The following PEG3 variants were observed in gnomAD, a reference collection of about 807,000 sequenced individuals.
PEG3 encodes paternally expressed 3.
PEG3 carries 23 observed loss-of-function variants against 35.5 expected under a neutral mutation model. The observed-to-expected ratio is 0.65, with a 90% CI of 0.47 to 0.92. The LOEUF (loss-of-function observed/expected upper bound fraction) is 0.92, where lower values mean the gene tolerates loss of function less well. PEG3 is among the 40% of genes least tolerant of loss of function. The pLI is 0.00. For synonymous variants in PEG3, 707 were observed against 697.0 expected, an observed-to-expected ratio of 1.01 and a Z score of -0.23; for missense variants, 1,960 against 1,985.3, an observed-to-expected ratio of 0.99 and a Z score of 0.24.
chr19:56,814,160 C>T lies in PEG3; in HGVS notation c.4282G>A (p.Glu1428Lys), dbSNP rs777594859. ...PNGEAEGPDG[E>K]AAEPIGEAGQ... ...GCCTCTCCAATGGGCTCTGCAGCCT[C>T]TCCATCTGGCCCTTCAGCCTCTCCG... Residue 1428 changes from glutamate to lysine, a missense_variant, in exon 10 of 10, where the codon GAG becomes AAG. Glu to Lys is a moderately conservative substitution (Grantham distance 56). Coordinates refer to ENST00000326441, the MANE Select transcript of PEG3 (RefSeq NM_006210.3). The surrounding 1 kb of genome is among the most constrained non-coding windows in gnomAD (Gnocchi z 5.8). 9.8e-5 allele frequency: 158 copies of T among 1,614,086 alleles called. No individual in the cohort carries two copies. Among genetic ancestry groups the T allele is most frequent in the Non-Finnish European group, 1.3e-4 (152 of 1,180,052 alleles).
chr19:56,835,741 T>C (rs1246535612), intron 2 of PEG3, among the ~76,000 whole-genome samples: 2 of 152,236 alleles, frequency 1.3e-5, no homozygotes, highest in East Asian at 3.8e-4. Context: ...GAATCTCTCA[T>C]GCTTCTTTAA....
chr19:56,811,371 T>A lies in PEG3; in HGVS notation c.*2304A>T. The A allele has an allele frequency of 1.1e-6, 1 of 872,836 alleles. No homozygotes were observed. The highest frequency in any genetic ancestry group is 1.4e-6 in the Non-Finnish European group (1 of 727,434). The allele number at this position is 872,836 out of a possible 1,614,324, so 54.1% of individuals were successfully genotyped here. A position where few individuals can be genotyped will look rare whatever the true frequency, so the allele number is the denominator to read the frequency against. ...TAAATGAACTGTTGAGTTATAACTG[T>A]AGTATAAATATACTTTCGTGTCCTG... On this transcript the variant is annotated 3_prime_UTR_variant, in exon 10 of 10. Transcript: ENST00000326441.
rs547680406 is a variant in PEG3 at position 56,816,932 on chromosome 19, G to A, written c.1510C>T (p.Arg504Cys). The change falls in exon 10 of 10, where the codon CGT becomes TGT. Residue 504 changes from arginine (R) to cysteine (C), a missense_variant. Physicochemically the swap from Arg to Cys is radical, Grantham distance 180. Around this residue, in one of 5 missense-constraint regions of PEG3, gnomAD observed 798 missense variants for 782.4 expected, o/e 1.02. Coordinates refer to ENST00000326441, the MANE Select transcript of PEG3 (RefSeq NM_006210.3). Reference sequence around the variant, plus strand: ...TCTCCACAGTCCTTACATTCAAAACGTTTCCCTCCAACCTGACTTTTCTGA... The same window carrying A: ...TCTCCACAGTCCTTACATTCAAAACATTTCCCTCCAACCTGACTTTTCTGA... ...EVQKSQVGGK[R>C]FECKDCGETF... The A allele has an allele frequency of 1.2e-4, 186 of 1,614,130 alleles. No homozygotes were observed. The South Asian group carries it at 1.8e-3, about 16-fold the overall frequency.
At position 56,815,205 on chromosome 19, in the gene PEG3, A is replaced by T. The variant is rs186028148; in HGVS notation, c.3237T>A (p.His1079Gln). 2 of 1,613,990 alleles carry T rather than the reference A, an allele frequency of 1.2e-6. No individual in the cohort carries two copies. Among genetic ancestry groups the T allele is most frequent in the Non-Finnish European group, 1.7e-6 (2 of 1,179,890 alleles). Residue 1079 changes from histidine to glutamine, a missense_variant, in exon 10 of 10, where the codon CAT (histidine) becomes CAA (glutamine). Coordinates refer to ENST00000326441, the MANE Select transcript of PEG3 (RefSeq NM_006210.3). ...CAGGGTCTTCAATTGTCTCCTGACCATGGGTCTCCTCGCTGTGGGTCTCCT... is the reference window on the plus strand; with the variant it reads ...CAGGGTCTTCAATTGTCTCCTGACCTTGGGTCTCCTCGCTGTGGGTCTCCT... The part of the protein sequence containing the change: ...DGEETHSEET[H>Q]GQETIEDPVI...
chr19:56,821,853 G>T, intron 6 of PEG3, 99 bp from the exon 7 acceptor site: 1 of 1,299,518 alleles, frequency 7.7e-7, no homozygotes, highest in Middle Eastern at 2.5e-4. Flanking sequence ...GGGTGTGAGT[G>T]TATGAGAGCA....
At chr19:56,839,955 G>A (rs1028669973) in intron 1 of PEG3, among the ~76,000 whole-genome samples, 2 of 152,226 alleles carry the variant, frequency 1.3e-5, no homozygotes, top group South Asian at 2.1e-4. Context: ...GATACCGCCC[G>A]AGAGGGCGGG....
chr19:56,835,255 A>C (rs2061974342), intron 2 of PEG3, among the ~76,000 whole-genome samples: 1 of 152,186 alleles, frequency 6.6e-6, no homozygotes, highest in Non-Finnish European at 1.5e-5. Context: ...CATGGTTAAA[A>C]GCACTTCCCG....
At chr19:56,822,252 G>A (rs1274613081) in intron 6 of PEG3, among the ~76,000 whole-genome samples, 1 of 152,194 alleles carries the variant, frequency 6.6e-6, no homozygotes, top group Non-Finnish European at 1.5e-5. Context: ...AGTCCAGGAA[G>A]AAGAGGAAAT....
chr19:56,814,247 C>T lies in PEG3; in HGVS notation c.4195G>A (p.Val1399Met), dbSNP rs762643937. ...TCCACTTCTGGCTCGGCAGCCTCCA[C>T]TTCTGGCTCAGCAGCCTCTACGTTT... is the stretch of plus-strand genomic sequence containing the variant. ...GLNVEAAEPE[V>M]EAAEPEVEAA... Residue 1399 changes from valine (V) to methionine (M), a missense_variant, in exon 10 of 10, where the codon GTG becomes ATG. By Grantham distance (21) the Val-to-Met change is conservative (BLOSUM62 1). Around this residue, in one of 5 missense-constraint regions of PEG3, gnomAD observed 416 missense variants for 416.7 expected, o/e 1.00. Coordinates refer to ENST00000326441, the MANE Select transcript of PEG3 (RefSeq NM_006210.3). The surrounding 1 kb of genome is among the most constrained non-coding windows in gnomAD (Gnocchi z 5.8). 2 of 1,613,536 alleles carry T rather than the reference C, an allele frequency of 1.2e-6. No individual in the cohort carries two copies. The highest frequency in any genetic ancestry group is 3.3e-5 in the Admixed American group (2 of 60,018).
chr19:56,820,685 C>T lies in PEG3; in HGVS notation c.669+966G>A, dbSNP rs113709698. Among the ~76,000 whole-genome samples, 457 of 152,342 alleles carry T rather than the reference C, an allele frequency of 3.0e-3. 1 individual carries two copies. The highest frequency in any genetic ancestry group is 9.5e-3 in the African/African-American group (395 of 41,580). On this transcript the variant is annotated intron_variant, in intron 7 of 9. Coordinates refer to ENST00000326441, the MANE Select transcript of PEG3 (RefSeq NM_006210.3). ...TCAATCCAAATCAAGGCCCTTGTTA[C>T]AATTTCTTGTTAACTCTCTATTTTT... is the stretch of plus-strand genomic sequence containing the variant.
intron 1 of PEG3, among the ~76,000 whole-genome samples, chr19:56,839,654 A>G (rs1298331143): frequency 2.0e-5 from 3 of 152,186 alleles, no homozygotes; most frequent in East Asian, 3.9e-4. Context: ...GGCAAACCTC[A>G]GCCACCCTCA....
rs1404146027 is a variant in PEG3 at position 56,812,431 on chromosome 19, T to A, written c.*1244A>T. ...TGACTGTAAAGAATTTTTTTTTTTT[T>A]AATGCAAGTTAGACATGGAGTTAGA... is the stretch of plus-strand genomic sequence containing the variant. On this transcript the variant is annotated 3_prime_UTR_variant, in exon 10 of 10. Coordinates refer to ENST00000326441, the MANE Select transcript of PEG3 (RefSeq NM_006210.3). 1.0e-6 allele frequency: 1 copy of A among 979,118 alleles called. No homozygotes were observed. Among genetic ancestry groups the A allele is most frequent in the East Asian group, 1.1e-4 (1 of 8,762 alleles). 60.7% of individuals were successfully genotyped at this position (979,118 alleles called of 1,614,324 possible).
chr19:56,815,208 G>A lies in PEG3; in HGVS notation c.3234C>T (p.Thr1078=). 1 of 1,613,736 alleles carries A rather than the reference G, an allele frequency of 6.2e-7. No homozygotes were observed. The highest frequency in any genetic ancestry group is 1.7e-5 in the Admixed American group (1 of 60,008). ...GGTCTTCAATTGTCTCCTGACCATG[G>A]GTCTCCTCGCTGTGGGTCTCCTCCC... ...TDGEETHSEE[T]HGQETIEDPV... is the part of the protein sequence containing the mutation. The change falls in exon 10 of 10, where the codon ACC becomes ACT. Residue 1078 remains threonine, a synonymous_variant. Coordinates refer to ENST00000326441, the MANE Select transcript of PEG3 (RefSeq NM_006210.3).
intron 2 of PEG3, chr19:56,833,522 C>A: frequency 3.9e-6 from 1 of 257,056 alleles, no homozygotes; most frequent in South Asian, 4.6e-5. Flanking sequence ...CACTCAGTGT[C>A]CCTTCATCCA....
Position 56,812,911 on chromosome 19 carries a change from T to A in PEG3, c.*764A>T, listed in dbSNP as rs1161077823. On this transcript the variant is annotated 3_prime_UTR_variant, in exon 10 of 10. Transcript: ENST00000326441. The stretch of plus-strand genomic sequence containing the variant: ...ACATGTGGCAACCAATCAATCTGGG[T>A]CACAAAAAGCCAATCCGTATATTGT... 7 of 985,320 alleles carry A rather than the reference T, an allele frequency of 7.1e-6. No individual in the cohort carries two copies. Among genetic ancestry groups the A allele is most frequent in the Non-Finnish European group, 8.4e-6 (7 of 829,876 alleles). 61.0% of individuals were successfully genotyped at this position (985,320 alleles called of 1,614,324 possible).
At chr19:56,833,151 C>CG in intron 2 of PEG3, 1 of 517,228 alleles carries the variant, frequency 1.9e-6, no homozygotes, top group Non-Finnish European at 3.9e-6. Flanking sequence ...CCTGTGACTC[C>CG]GGTTTGGCCT....
chr19:56,835,478 A>G (rs2146624770), intron 2 of PEG3, among the ~76,000 whole-genome samples: 2 of 151,414 alleles, frequency 1.3e-5, no homozygotes, highest in Middle Eastern at 6.8e-3. Context: ...CACCATTCAC[A>G]CTCCTTCAGG....
chr19:56,827,178 C>T (rs942978226), intron 2 of PEG3, among the ~76,000 whole-genome samples: 1 of 152,174 alleles, frequency 6.6e-6, no homozygotes, highest in Admixed American at 6.5e-5. Context: ...AGATGGAGGA[C>T]TTCCTACAAT....
chr19:56,837,221 A>G (rs2062244215), intron 1 of PEG3, among the ~76,000 whole-genome samples: 1 of 152,036 alleles, frequency 6.6e-6, no homozygotes, highest in African/African-American at 2.4e-5. Flanking sequence ...CAGTTTCTCC[A>G]GAGGCCCCAC....
Sources: allele counts gnomAD v4.1 joint callset (sites outside exome capture counted in the v4.1 genomes callset), GRCh38; gene constraint gnomAD v4.1.1; regional missense constraint gnomAD v4.1.1; non-coding constraint Gnocchi (gnomAD v3.1); transcripts MANE v1.5; gene names NCBI Gene and HGNC (gene_info 2026-07-23, HGNC 2026-07-21).